The following CSMD1 variants were observed in gnomAD, a reference collection of about 807,000 sequenced individuals.
CSMD1 encodes the protein CUB and sushi domain-containing protein 1.
Under a neutral mutation model 417.5 loss-of-function variants are expected in CSMD1, and 213 were observed. The observed-to-expected ratio is 0.51, with a 90% CI of 0.46 to 0.57. CSMD1 has a LOEUF of 0.57. CSMD1 is among the 20% of genes least tolerant of loss of function. The pLI is 0.00. For missense variants in CSMD1, 6,923 were observed against 4,529.7 expected, an observed-to-expected ratio of 1.53 and a Z score of -15.17; for synonymous variants, 2,862 against 1,736.8, an observed-to-expected ratio of 1.65 and a Z score of -16.11.
At chr8:4,385,883 G>C (rs1169953348) in intron 3 of CSMD1, among the ~76,000 whole-genome samples, 1 of 152,092 alleles carries the variant, frequency 6.6e-6, no homozygotes, top group Non-Finnish European at 1.5e-5. Flanking sequence ...AAAAATTAAT[G>C]CCAGAATTTT....
chr8:4,706,741 G>C (rs1297308983), intron 1 of CSMD1, among the ~76,000 whole-genome samples: 3 of 152,180 alleles, frequency 2.0e-5, no homozygotes, highest in East Asian at 1.9e-4. Context: ...GGGAGGCAGA[G>C]GGTCAGAGAG....
chr8:3,396,836 AAAG>A (rs1811731024), intron 16 of CSMD1, among the ~76,000 whole-genome samples: 1 of 152,172 alleles, frequency 6.6e-6, no homozygotes, highest in Non-Finnish European at 1.5e-5. Context: ...TCTCTTAAAC[AAAG>A]AAGATCATTA....
chr8:4,909,063 T>C (rs1435799871), intron 1 of CSMD1, among the ~76,000 whole-genome samples: 2 of 152,184 alleles, frequency 1.3e-5, no homozygotes, highest in South Asian at 2.1e-4. Context: ...CATGAAGATT[T>C]GTGTTAATCG....
chr8:4,794,263 T>C (rs1052759128), intron 1 of CSMD1, among the ~76,000 whole-genome samples: 1 of 152,200 alleles, frequency 6.6e-6, no homozygotes, highest in African/African-American at 2.4e-5. Flanking sequence ...AATCCCACAT[T>C]GTATATAAAA....
chr8:4,217,429 G>A (rs139849766), intron 3 of CSMD1, among the ~76,000 whole-genome samples: 231 of 152,202 alleles, frequency 1.5e-3, no homozygotes, highest in Non-Finnish European at 2.0e-3. Context: ...TTATAATGGT[G>A]ATATAAGACA....
intron 2 of CSMD1, among the ~76,000 whole-genome samples, chr8:4,456,423 A>T (rs1799490311): frequency 6.6e-6 from 1 of 152,186 alleles, no homozygotes; most frequent in African/African-American, 2.4e-5. Flanking sequence ...CTTAGAAAAA[A>T]AGTATTTTTA....
chr8:3,983,202 C>G (rs1312012455), intron 5 of CSMD1, among the ~76,000 whole-genome samples: 2 of 150,760 alleles, frequency 1.3e-5, no homozygotes, highest in Non-Finnish European at 2.9e-5. Context: ...GCGATCTCAG[C>G]TCACTGCAAG....
In CSMD1 at chr8:3,409,510, A is replaced by G; in HGVS notation, c.1657T>C (p.Cys553Arg). 6.2e-7 allele frequency: 1 copy of G among 1,611,442 alleles called. No individual in the cohort carries two copies. The highest frequency in any genetic ancestry group is 8.5e-7 in the Non-Finnish European group (1 of 1,178,930). ...FLHGDTLTFECPAAFELVGER... is the reference protein window; with the variant it reads ...FLHGDTLTFERPAAFELVGER... Reference sequence around the variant, plus strand: ...CCCACCAGCTCAAAGGCCGCCGGGCATTCAAAGGTGAGTGTATCTCCATGG... The same window carrying G: ...CCCACCAGCTCAAAGGCCGCCGGGCGTTCAAAGGTGAGTGTATCTCCATGG... Residue 553 changes from cysteine to arginine, a missense_variant, in exon 13 of 70, where the codon TGC becomes CGC. Transcript: ENST00000635120.
At chr8:4,540,510 C>T (rs911896992) in intron 2 of CSMD1, among the ~76,000 whole-genome samples, 6 of 152,040 alleles carry the variant, frequency 3.9e-5, no homozygotes, top group African/African-American at 1.4e-4. Context: ...TCCAGACCAG[C>T]CTGGGCAACA....
intron 25 of CSMD1, among the ~76,000 whole-genome samples, chr8:3,303,240 T>C (rs1283729472): frequency 6.6e-6 from 1 of 151,316 alleles, no homozygotes; most frequent in Non-Finnish European, 1.5e-5. Flanking sequence ...ACATGGAGAC[T>C]GGGGATAAAT....
chr8:3,543,516 G>C (rs1194052299), intron 10 of CSMD1, among the ~76,000 whole-genome samples: 1 of 152,060 alleles, frequency 6.6e-6, no homozygotes, highest in Non-Finnish European at 1.5e-5. Flanking sequence ...GGAAATGGGA[G>C]GATGGCTGGA....
chr8:4,121,870 T>G (rs1374595660), intron 3 of CSMD1, among the ~76,000 whole-genome samples: 1 of 152,050 alleles, frequency 6.6e-6, no homozygotes, highest in Non-Finnish European at 1.5e-5. Flanking sequence ...CTCCAAGAAA[T>G]TTAAACTATT....
chr8:4,235,060 TC>T (rs1218197513), intron 3 of CSMD1, among the ~76,000 whole-genome samples: 2 of 152,166 alleles, frequency 1.3e-5, no homozygotes, highest in Non-Finnish European at 2.9e-5. Context: ...GGGGACGCAT[TC>T]CATCCATAGG....
chr8:3,539,908 C>T (rs1392605241), intron 10 of CSMD1, among the ~76,000 whole-genome samples: 2 of 152,136 alleles, frequency 1.3e-5, no homozygotes, highest in Admixed American at 6.5e-5. Context: ...AATTTAGACA[C>T]AATTGCTTCA....
At chr8:4,932,964 A>G (rs1807345450) in intron 1 of CSMD1, among the ~76,000 whole-genome samples, 1 of 152,192 alleles carries the variant, frequency 6.6e-6, no homozygotes. Context: ...GCCAAAATGC[A>G]GGAATTGAAG....
At chr8:4,035,259 A>C (rs1797557481) in intron 3 of CSMD1, among the ~76,000 whole-genome samples, 1 of 152,200 alleles carries the variant, frequency 6.6e-6, no homozygotes, top group Non-Finnish European at 1.5e-5. Flanking sequence ...CTGTGCAGCC[A>C]GTCATACAAA....
chr8:3,672,145 G>A (rs948326096), intron 7 of CSMD1, among the ~76,000 whole-genome samples: 12 of 152,124 alleles, frequency 7.9e-5, no homozygotes, highest in Non-Finnish European at 1.3e-4. Flanking sequence ...TTGCAAACTT[G>A]TTTTCTAGTG....
At chr8:3,310,137 A>G (rs1805210705) in intron 23 of CSMD1, among the ~76,000 whole-genome samples, 1 of 152,224 alleles carries the variant, frequency 6.6e-6, no homozygotes, top group Non-Finnish European at 1.5e-5. Context: ...GTTTCAATCA[A>G]TCACCTCCGG....
chr8:4,581,770 G>C (rs1188713220), intron 2 of CSMD1, among the ~76,000 whole-genome samples: 5 of 152,176 alleles, frequency 3.3e-5, no homozygotes, highest in Admixed American at 6.5e-5. Context: ...CATCTTGGCA[G>C]ACAATTGCCT....
Sources: allele counts gnomAD v4.1 joint callset (sites outside exome capture counted in the v4.1 genomes callset), GRCh38; gene constraint gnomAD v4.1.1; transcripts MANE v1.5; gene names NCBI Gene and HGNC (gene_info 2026-07-23, HGNC 2026-07-21).